TG: variants seen among roughly 807,000 people sequenced by gnomAD.
TG encodes the protein thyroid hormones.
A neutral mutation model predicts 324.7 loss-of-function variants in TG; 270 were observed. The ratio of observed to expected loss-of-function variants is 0.83; its 90% CI spans 0.75 to 0.92. TG has a LOEUF of 0.92. Among genes scored for constraint, TG ranks in the 40% least tolerant of loss-of-function variants. The pLI, the probability that TG is intolerant of heterozygous loss-of-function variation, is 0.00. For missense variants in TG, 3,591 were observed against 3,456.4 expected (o/e 1.04, Z -0.98); for synonymous variants, 1,401 against 1,327.0 (o/e 1.06, Z -1.21).
At chr8:133,111,036 T>C (rs1346276747) in intron 43 of TG, among the ~76,000 whole-genome samples, 1 of 152,102 alleles carries the variant, frequency 6.6e-6, no homozygotes, top group East Asian at 1.9e-4. Flanking sequence ...AAATATATTT[T>C]CCAAGATCCC....
In TG at chr8:133,113,577, C is replaced by T; in HGVS notation, c.7728C>T (p.Phe2576=). The T allele has an allele frequency of 6.2e-7, 1 of 1,614,140 alleles. No individual in the cohort carries two copies. Among genetic ancestry groups the T allele is most frequent in the Non-Finnish European group, 8.5e-7 (1 of 1,180,008 alleles). The part of the protein sequence containing the change: ...LEHSTDDYAS[F]SRALENATRD... ...ACTCCACGGATGACTATGCCTCCTTCTCCCGGGCTCTGGAGAATGCCACCC... is the reference window on the plus strand; with the variant it reads ...ACTCCACGGATGACTATGCCTCCTTTTCCCGGGCTCTGGAGAATGCCACCC... The change falls in exon 44 of 48, where the codon TTC becomes TTT. Residue 2576 remains phenylalanine (F), a synonymous_variant. Coordinates refer to ENST00000220616, the MANE Select transcript of TG (RefSeq NM_003235.5).
chr8:132,927,647 A>G (rs1265999363), intron 22 of TG, among the ~76,000 whole-genome samples: 1 of 152,226 alleles, frequency 6.6e-6, no homozygotes, highest in Non-Finnish European at 1.5e-5. Context: ...AAATGTGAAG[A>G]TCTCTATCAC....
At chr8:132,999,291 C>G (rs6993572) in intron 35 of TG, among the ~76,000 whole-genome samples, 204 of 151,286 alleles carry the variant, frequency 1.3e-3, no homozygotes, top group African/African-American at 4.9e-3. Flanking sequence ...GGTTGCCACC[C>G]TTTCATCCTA....
chr8:133,108,445 TAAC>T (rs1245981737), intron 43 of TG, among the ~76,000 whole-genome samples: 9 of 152,186 alleles, frequency 5.9e-5, no homozygotes, highest in Non-Finnish European at 7.4e-5. Context: ...TACAAATATC[TAAC>T]AACAAAGACA....
At chr8:133,057,356 A>G (rs1478010906) in intron 41 of TG, among the ~76,000 whole-genome samples, 2 of 152,234 alleles carry the variant, frequency 1.3e-5, no homozygotes, top group African/African-American at 4.8e-5. Context: ...AGAAGTATGT[A>G]TAGAATTGTA....
chr8:132,906,443 G>T (rs957422576), intron 16 of TG, among the ~76,000 whole-genome samples: 1 of 152,130 alleles, frequency 6.6e-6, no homozygotes, highest in Non-Finnish European at 1.5e-5. Flanking sequence ...TGGACATCAA[G>T]CTACACGAGA....
At chr8:133,040,512 G>T (rs573147839) in intron 41 of TG, among the ~76,000 whole-genome samples, 34 of 152,192 alleles carry the variant, frequency 2.2e-4, no homozygotes, top group Non-Finnish European at 3.7e-4. Flanking sequence ...TGCAGAAGCC[G>T]CAGCCTTCCA....
rs145179829 is a variant in TG, at chr8:133,010,945, G to T, written c.6263-956G>T. ...GCCAGTTCCAATCCTGTTCCACCGA[G>T]CAGGAACAGTGCCCTCACAGGCCAG... is the stretch of plus-strand genomic sequence containing the variant. On this transcript the variant is annotated intron_variant, in intron 35 of 47. Transcript: ENST00000220616. 1.1e-4 allele frequency among the ~76,000 whole-genome samples: 17 copies of T among 152,284 alleles called. No homozygotes were observed. In the East Asian group the frequency reaches 3.3e-3, roughly 29 times the overall value.
At chr8:133,093,567 G>A (rs1168857760) in intron 41 of TG, among the ~76,000 whole-genome samples, 2 of 152,168 alleles carry the variant, frequency 1.3e-5, no homozygotes, top group East Asian at 1.9e-4. Context: ...CATTACAAAA[G>A]TTCCTCTGGC....
chr8:133,130,674 A>G (rs1851871612), intron 45 of TG, among the ~76,000 whole-genome samples: 1 of 152,028 alleles, frequency 6.6e-6, no homozygotes, highest in Non-Finnish European at 1.5e-5. Context: ...AACGCAGACC[A>G]CTCACCCTTT....
intron 44 of TG, among the ~76,000 whole-genome samples, chr8:133,113,918 G>C (rs180880183): frequency 6.6e-6 from 1 of 152,318 alleles, no homozygotes; most frequent in East Asian, 1.9e-4. Flanking sequence ...CCTGGTGCAC[G>C]CTCCACCTGA....
chr8:132,934,901 G>A (rs959273492), intron 24 of TG, among the ~76,000 whole-genome samples: 4 of 152,186 alleles, frequency 2.6e-5, no homozygotes, highest in Non-Finnish European at 5.9e-5. Flanking sequence ...CACCATCTCC[G>A]AGCTTAAGAA....
At position 132,948,768 on chromosome 8, in the gene TG, A is replaced by T; in HGVS notation, c.5234-8A>T. On this transcript the variant is annotated splice_region_variant and splice_polypyrimidine_tract_variant and intron_variant, in intron 26 of 47. Transcript: ENST00000220616. ...ACACTGACCTCTCCTACCTCTTGTG[A>T]TTCTCAGGTGCCATCATCTGTGGGT... 1 of 1,613,294 alleles carries T rather than the reference A, an allele frequency of 6.2e-7. No individual in the cohort carries two copies. The highest frequency in any genetic ancestry group is 8.5e-7 in the Non-Finnish European group (1 of 1,180,002).
At chr8:132,996,469 T>C (rs1205092109) in intron 35 of TG, among the ~76,000 whole-genome samples, 2 of 152,228 alleles carry the variant, frequency 1.3e-5, no homozygotes, top group African/African-American at 4.8e-5. Context: ...AATAGTACTA[T>C]TGCTGCTGTT....
chr8:132,911,279 G>A, intron 18 of TG, 98 bp from the exon 19 acceptor site: 1 of 1,608,080 alleles, frequency 6.2e-7, no homozygotes, highest in Admixed American at 1.7e-5. Flanking sequence ...GAGGATTGAA[G>A]GAAGTAACAT....
chr8:133,044,050 G>A (rs918660710), intron 41 of TG, among the ~76,000 whole-genome samples: 1 of 152,166 alleles, frequency 6.6e-6, no homozygotes, highest in Admixed American at 6.5e-5. Flanking sequence ...TTGGGAGGGG[G>A]AACTACTAGT....
intron 35 of TG, among the ~76,000 whole-genome samples, chr8:132,984,761 G>A (rs1831312232): frequency 6.6e-6 from 1 of 152,050 alleles, no homozygotes; most frequent in Non-Finnish European, 1.5e-5. Context: ...GACCAATATG[G>A]TGAAACTCCA....
At chr8:132,946,392 A>T (rs771166759) in intron 26 of TG, among the ~76,000 whole-genome samples, 8 of 152,104 alleles carry the variant, frequency 5.3e-5, no homozygotes, top group Non-Finnish European at 1.2e-4. Context: ...CTAAACACTC[A>T]CCTCGCAGTG....
intron 41 of TG, chr8:133,036,735 G>C (rs1027999971): frequency 1.3e-5 from 2 of 152,468 alleles, no homozygotes; most frequent in Non-Finnish European, 1.5e-5. Flanking sequence ...GTGTGCCAAG[G>C]GTTAAATATT....
Sources: allele counts gnomAD v4.1 joint callset (sites outside exome capture counted in the v4.1 genomes callset), GRCh38; gene constraint gnomAD v4.1.1; transcripts MANE v1.5; gene names NCBI Gene and HGNC (gene_info 2026-07-23, HGNC 2026-07-21).